Variants in MTA3 observed in about 807,000 individuals in gnomAD.
MTA3 encodes the protein metastasis associated 1 family member 3, also known as metastasis-associated protein MTA3.
Under a neutral mutation model 83.5 loss-of-function variants are expected in MTA3, and 34 were observed. That is an observed-to-expected ratio of 0.41 (90% CI 0.31 to 0.54). MTA3 has a LOEUF of 0.54. Among genes scored for constraint, MTA3 ranks in the 20% least tolerant of loss-of-function variants. MTA3 has a pLI of 0.33. For synonymous variants in MTA3, 303 were observed against 252.7 expected (o/e 1.20, Z -1.89); for missense variants, 761 against 726.4 (o/e 1.05, Z -0.55).
At chr2:42,501,409 A>G (rs1572886146) in intron 2 of MTA3, among the ~76,000 whole-genome samples, 1 of 152,178 alleles carries the variant, frequency 6.6e-6, no homozygotes, top group Non-Finnish European at 1.5e-5. Flanking sequence ...CTTTAGCTCA[A>G]AATAATCCTT....
At chr2:42,733,647 T>C (rs1668395659) in intron 16 of MTA3, among the ~76,000 whole-genome samples, 1 of 152,194 alleles carries the variant, frequency 6.6e-6, no homozygotes, top group South Asian at 2.1e-4. Flanking sequence ...TATTGTGTTT[T>C]TGCTTGTTTG....
chr2:42,527,824 TA>T (rs70963324), intron 2 of MTA3, among the ~76,000 whole-genome samples: 97 of 141,840 alleles, frequency 6.8e-4, no homozygotes, highest in South Asian at 1.8e-3. Context: ...ATCATGTCTT[TA>T]AAAAAAAAAA....
intron 6 of MTA3, among the ~76,000 whole-genome samples, chr2:42,645,251 G>A (rs1412865194): frequency 5.9e-5 from 9 of 151,664 alleles, no homozygotes; most frequent in African/African-American, 2.2e-4. Flanking sequence ...CAGGCTGGGT[G>A]CAGTGGCTCA....
chr2:42,649,573 A>T (rs1360402623), intron 6 of MTA3, among the ~76,000 whole-genome samples: 1 of 152,222 alleles, frequency 6.6e-6, no homozygotes, highest in East Asian at 1.9e-4. Context: ...GTGTCAGTTC[A>T]TATGTGGCTT....
At chr2:42,580,300 T>C (rs1182639057) in intron 3 of MTA3, among the ~76,000 whole-genome samples, 1 of 151,854 alleles carries the variant, frequency 6.6e-6, no homozygotes, top group Non-Finnish European at 1.5e-5. Flanking sequence ...CCCCCCTTCT[T>C]TTCAGTTCAG....
intron 3 of MTA3, among the ~76,000 whole-genome samples, chr2:42,592,986 A>G (rs1681218474): frequency 6.6e-6 from 1 of 150,394 alleles, no homozygotes; most frequent in Admixed American, 6.6e-5. Flanking sequence ...CACTGTCTCT[A>G]CTAAAAAATA....
chr2:42,669,996 GGCTCAT>G (rs1433313152), intron 8 of MTA3, among the ~76,000 whole-genome samples: 1 of 152,192 alleles, frequency 6.6e-6, no homozygotes, highest in East Asian at 1.9e-4. Flanking sequence ...TGGGCATGGT[GGCTCAT>G]GCCTGTAATC....
At chr2:42,599,723 A>T (rs945235503) in intron 3 of MTA3, among the ~76,000 whole-genome samples, 1 of 152,160 alleles carries the variant, frequency 6.6e-6, no homozygotes. Context: ...AACAAAATAA[A>T]ATATTTTATT....
At position 42,664,466 on chromosome 2, in the gene MTA3, C is replaced by CTTTTTTTTTTT. The variant is rs35633597; in HGVS notation, c.702+4622_702+4632dup. ...CCTACTACCCCCTCACCCCGCTTAC[C>CTTTTTTTTTTT]TTTTTTTTTTTTTTTTTTTTTTTTT... On this transcript the variant is annotated intron_variant, in intron 8 of 16. Transcript: ENST00000405094. 2.8e-4 allele frequency among the ~76,000 whole-genome samples: 24 copies of CTTTTTTTTTTT among 85,756 alleles called. 9 individuals are homozygous for CTTTTTTTTTTT. The highest frequency in any genetic ancestry group is 9.5e-4 in the African/African-American group (20 of 21,052). The allele number at this position is 85,756 out of a possible 152,430, so 56.3% of individuals were successfully genotyped here.
At position 42,581,968 on chromosome 2, in the gene MTA3, TC is replaced by T. The variant is rs371855581; in HGVS notation, c.190+2769del. ...TTAGTAGAGACGGGGTAGGCTGGTC[TC>T]AAACTCCCAACCTCAGGTGATCTGC... On this transcript the variant is annotated intron_variant, in intron 3 of 16. Transcript: ENST00000405094. 1.1e-4 allele frequency: 17 copies of T among 154,748 alleles called. No individual in the cohort carries two copies. In the South Asian group the frequency reaches 3.2e-3, roughly 29 times the overall value. 9.6% of individuals were successfully genotyped at this position (154,748 alleles called of 1,614,324 possible).
At chr2:42,708,571 G>A (rs1666311661) in intron 13 of MTA3, among the ~76,000 whole-genome samples, 1 of 151,960 alleles carries the variant, frequency 6.6e-6, no homozygotes, top group African/African-American at 2.4e-5. Flanking sequence ...GGGCTTTCAG[G>A]ACTCCTTAAT....
intron 16 of MTA3, among the ~76,000 whole-genome samples, chr2:42,726,938 AT>A (rs1490099273): frequency 6.6e-6 from 1 of 152,168 alleles, no homozygotes; most frequent in African/African-American, 2.4e-5. Flanking sequence ...TGCACTGGTA[AT>A]CCCAGCAACT....
At chr2:42,605,190 G>T (rs1345953176) in intron 3 of MTA3, among the ~76,000 whole-genome samples, 2 of 144,326 alleles carry the variant, frequency 1.4e-5, no homozygotes, top group Non-Finnish European at 3.1e-5. Flanking sequence ...CCTCCCGGAC[G>T]GGGCGGCTGG....
At chr2:42,569,903 CTG>C (rs1327253043) in intron 1 of MTA3, 3 of 151,976 alleles carry the variant, frequency 2.0e-5, no homozygotes, top group Non-Finnish European at 2.9e-5. Context: ...CCAGGTAAAA[CTG>C]TGGAAAAGTT....
At chr2:42,711,775 A>AGTGTGTGTTTGTGTGTGT (rs372997456) in intron 14 of MTA3, among the ~76,000 whole-genome samples, 8,762 of 139,278 alleles carry the variant, frequency 0.063, 485 homozygotes, top group South Asian at 0.097. Flanking sequence ...TGTATAGGAG[A>AGTGTGTGTTTGTGTGTGT]GAGAGAGAGT....
chr2:42,615,669 C>G (rs1284070300), intron 4 of MTA3, among the ~76,000 whole-genome samples: 2 of 116,694 alleles, frequency 1.7e-5, no homozygotes, highest in East Asian at 5.6e-4. Flanking sequence ...TACTTTTATT[C>G]TTTAAGGAAA....
intron 3 of MTA3, among the ~76,000 whole-genome samples, chr2:42,583,225 A>G (rs1205208472): frequency 1.3e-5 from 2 of 152,102 alleles, no homozygotes; most frequent in Admixed American, 1.3e-4. Flanking sequence ...ACTTCTATGT[A>G]TATTTATCTG....
At chr2:42,512,684 C>A (rs1296847141) in intron 2 of MTA3, among the ~76,000 whole-genome samples, 1 of 152,122 alleles carries the variant, frequency 6.6e-6, no homozygotes, top group Non-Finnish European at 1.5e-5. Context: ...AAGACATTTT[C>A]TCCTCTAGAT....
intron 2 of MTA3, among the ~76,000 whole-genome samples, chr2:42,570,731 C>G (rs1226650065): frequency 6.6e-6 from 1 of 151,878 alleles, no homozygotes; most frequent in African/African-American, 2.4e-5. Flanking sequence ...AAAAATATGG[C>G]TGGGTGCGGT....
Sources: allele counts gnomAD v4.1 joint callset (sites outside exome capture counted in the v4.1 genomes callset), GRCh38; gene constraint gnomAD v4.1.1; transcripts MANE v1.5; gene names NCBI Gene and HGNC (gene_info 2026-07-23, HGNC 2026-07-21).